Variants in PRKG1 observed in about 807,000 individuals in gnomAD.
PRKG1 encodes protein kinase cGMP-dependent 1.
A neutral mutation model predicts 88.1 loss-of-function variants in PRKG1; 35 were observed. The ratio of observed to expected loss-of-function variants is 0.40; its 90% CI spans 0.30 to 0.53. PRKG1 has a LOEUF of 0.53. Among genes scored for constraint, PRKG1 ranks in the 20% least tolerant of loss-of-function variants. The probability of loss-of-function intolerance (pLI) is 0.59; values close to 1 mark genes in which losing one functional copy is unlikely to be tolerated. For synonymous variants in PRKG1, 303 were observed against 292.5 expected (o/e 1.04, Z -0.37); for missense variants, 540 against 839.8 (o/e 0.64, Z 4.41).
At chr10:51,209,674 G>A (rs1838161754) in intron 2 of PRKG1, among the ~76,000 whole-genome samples, 1 of 152,128 alleles carries the variant, frequency 6.6e-6, no homozygotes, top group Non-Finnish European at 1.5e-5. Flanking sequence ...ACTAGGAAGA[G>A]ATAATTATCA....
At chr10:52,181,222 T>C (rs7082443) in intron 9 of PRKG1, among the ~76,000 whole-genome samples, 39,100 of 151,888 alleles carry the variant, frequency 0.26, 6,025 homozygotes, top group Admixed American at 0.41. Context: ...GGGTCTGTTT[T>C]TCAGGCCTAG....
At chr10:51,981,049 A>C (rs1308285663) in intron 5 of PRKG1, among the ~76,000 whole-genome samples, 1 of 152,096 alleles carries the variant, frequency 6.6e-6, no homozygotes, top group Non-Finnish European at 1.5e-5. Context: ...TATTATGCAG[A>C]ATCTTTTGTG....
intron 3 of PRKG1, among the ~76,000 whole-genome samples, chr10:51,641,380 G>A (rs1440812502): frequency 1.3e-5 from 2 of 152,102 alleles, no homozygotes; most frequent in East Asian, 1.9e-4. Context: ...AGACAGGAAC[G>A]GAACAAACTC....
intron 5 of PRKG1, among the ~76,000 whole-genome samples, chr10:52,015,305 C>T (rs553491823): frequency 1.3e-4 from 20 of 152,348 alleles, no homozygotes; most frequent in African/African-American, 3.8e-4. Flanking sequence ...GAAGCTGCCA[C>T]GGTTTGGGGC....
At chr10:51,335,514 A>T (rs1009922750) in intron 2 of PRKG1, among the ~76,000 whole-genome samples, 1 of 151,908 alleles carries the variant, frequency 6.6e-6, no homozygotes, top group Non-Finnish European at 1.5e-5. Context: ...ATTTAGGTAC[A>T]CTTTTAAATT....
At position 52,116,947 on chromosome 10, in the gene PRKG1, C is replaced by T. The variant is rs185349077; in HGVS notation, c.936-16893C>T. Among the ~76,000 whole-genome samples, 109 of 152,060 alleles carry T rather than the reference C, an allele frequency of 7.2e-4. 1 individual carries two copies. Among genetic ancestry groups the T allele is most frequent in the East Asian group, 1.7e-3 (9 of 5,166 alleles). On this transcript the variant is annotated intron_variant, in intron 7 of 17. Coordinates refer to ENST00000373980, the MANE Select transcript of PRKG1 (RefSeq NM_006258.4). ...TTTTAAGCAATATAGAGTAACTCTT[C>T]AGCCTGCTTTTCTAACCACTATGTT...
Position 51,234,428 on chromosome 10 carries a change from A to T in PRKG1, c.478+81098A>T, listed in dbSNP as rs565964981. 1.0e-3 allele frequency among the ~76,000 whole-genome samples: 158 copies of T among 152,268 alleles called. 1 individual carries two copies. Among genetic ancestry groups the T allele is most frequent in the African/African-American group, 3.5e-3 (144 of 41,568 alleles). On this transcript the variant is annotated intron_variant, in intron 2 of 17. Transcript: ENST00000373980. The stretch of plus-strand genomic sequence containing the variant: ...TCACAAAGATATCTACCTCCCTACA[A>T]ATTTTTTTTAGAACAAATATTGCTT...
At chr10:51,047,564 G>A (rs78436239) in intron 1 of PRKG1, among the ~76,000 whole-genome samples, 2,111 of 149,034 alleles carry the variant, frequency 0.014, 49 homozygotes, top group African/African-American at 0.049. Flanking sequence ...AAAAAATTGA[G>A]TAGTAATTTA....
intron 5 of PRKG1, among the ~76,000 whole-genome samples, chr10:52,039,387 C>G (rs1040976861): frequency 6.6e-6 from 1 of 152,098 alleles, no homozygotes; most frequent in African/African-American, 2.4e-5. Context: ...GTAATGTCAT[C>G]ACTTAAGGCA....
intron 2 of PRKG1, among the ~76,000 whole-genome samples, chr10:51,153,566 A>T (rs528379416): frequency 6.6e-6 from 1 of 152,140 alleles, no homozygotes; most frequent in African/African-American, 2.4e-5. Context: ...GGAAAAGTTA[A>T]AAATGTGAAA....
At chr10:51,025,040 G>A (rs1223732314) in intron 1 of PRKG1, among the ~76,000 whole-genome samples, 1 of 152,162 alleles carries the variant, frequency 6.6e-6, no homozygotes, top group Non-Finnish European at 1.5e-5. Flanking sequence ...GATTGGACCA[G>A]CTGGACTGGG....
intron 9 of PRKG1, among the ~76,000 whole-genome samples, chr10:52,238,472 A>C (rs1840751792): frequency 6.6e-6 from 1 of 152,008 alleles, no homozygotes; most frequent in Admixed American, 6.6e-5. Flanking sequence ...ACAAATTTAC[A>C]AGAAAGAAAC....
chr10:51,593,801 T>C (rs554888470), intron 3 of PRKG1, among the ~76,000 whole-genome samples: 2 of 152,152 alleles, frequency 1.3e-5, no homozygotes, highest in Admixed American at 1.3e-4. Flanking sequence ...CTTGGCTCAC[T>C]GCAACCTCTG....
intron 2 of PRKG1, among the ~76,000 whole-genome samples, chr10:51,237,303 G>A (rs964310794): frequency 1.1e-4 from 17 of 152,128 alleles, no homozygotes; most frequent in South Asian, 4.1e-4. Flanking sequence ...AGCTACTGGC[G>A]CCAAAGAGTT....
intron 3 of PRKG1, chr10:51,697,512 TCCCCCCA>T: frequency 1.6e-6 from 1 of 610,314 alleles, no homozygotes; most frequent in Non-Finnish European, 2.8e-6. Context: ...CACTCCCTCC[TCCCCCCA>T]CCCTCAATTA....
chr10:51,321,212 C>T (rs555548666), intron 2 of PRKG1, among the ~76,000 whole-genome samples: 20 of 152,258 alleles, frequency 1.3e-4, no homozygotes, highest in African/African-American at 4.3e-4. Context: ...CATAACTAGG[C>T]TTCAGCTGTG....
At chr10:52,025,765 C>T (rs1354848530) in intron 5 of PRKG1, among the ~76,000 whole-genome samples, 1 of 151,468 alleles carries the variant, frequency 6.6e-6, no homozygotes. Flanking sequence ...TAGAGTGATG[C>T]CTCCAGCTTA....
intron 9 of PRKG1, among the ~76,000 whole-genome samples, chr10:52,175,289 C>A (rs1838832104): frequency 6.6e-6 from 1 of 152,032 alleles, no homozygotes; most frequent in Non-Finnish European, 1.5e-5. Flanking sequence ...TCCTTCAGTT[C>A]CATCTATATC....
At chr10:51,868,308 G>T (rs566343872) in intron 4 of PRKG1, among the ~76,000 whole-genome samples, 112 of 152,254 alleles carry the variant, frequency 7.4e-4, no homozygotes, top group Middle Eastern at 6.8e-3. Context: ...AGAGCAGAGG[G>T]CATGATGGAG....
Sources: allele counts gnomAD v4.1 joint callset (sites outside exome capture counted in the v4.1 genomes callset), GRCh38; gene constraint gnomAD v4.1.1; transcripts MANE v1.5; gene names NCBI Gene and HGNC (gene_info 2026-07-23, HGNC 2026-07-21).